ZXDC: variants seen among roughly 807,000 people sequenced by gnomAD.
ZXDC encodes the protein ZXD family zinc finger C, also known as zinc finger protein ZXDC.
In ZXDC, 58 loss-of-function variants were observed where a neutral mutation model predicts 63.6. The ratio of observed to expected loss-of-function variants is 0.91; its 90% confidence interval spans 0.74 to 1.13. ZXDC has a LOEUF of 1.13. ZXDC is among the 50% of genes most tolerant of loss of function. The pLI is 0.00. For missense variants in ZXDC, 1,133 were observed against 1,148.9 expected (o/e 0.99, Z 0.20); for synonymous variants, 561 against 496.1 (o/e 1.13, Z -1.74).
intron 7 of ZXDC, among the ~76,000 whole-genome samples, chr3:126,448,294 C>CA (rs1248706716): frequency 1.3e-5 from 2 of 152,208 alleles, no homozygotes; most frequent in African/African-American, 4.8e-5. Flanking sequence ...GTATCTTCAC[C>CA]ACATGGCAGG....
At chr3:126,461,260 A>G (rs1310514199) in intron 6 of ZXDC, 23 of 1,216,648 alleles carry the variant, frequency 1.9e-5, no homozygotes, top group African/African-American at 3.1e-5. Flanking sequence ...CAAGGAAAGG[A>G]GCACATTACC....
At chr3:126,441,048 C>T in intron 8 of ZXDC, 5 of 985,564 alleles carry the variant, frequency 5.1e-6, no homozygotes, top group Non-Finnish European at 6.0e-6. Context: ...ACCCAGACAG[C>T]CCCGGCTTGT....
chr3:126,451,276 T>C, intron 7 of ZXDC: 3 of 985,356 alleles, frequency 3.0e-6, no homozygotes, highest in African/African-American at 1.7e-5. Flanking sequence ...TCCAGGTAAA[T>C]GTACACAAAA....
In ZXDC at chr3:126,472,251, T is replaced by C; in HGVS notation, c.962A>G (p.His321Arg). 4 of 1,612,936 alleles carry C rather than the reference T, an allele frequency of 2.5e-6. No homozygotes were observed. The highest frequency in any genetic ancestry group is 3.4e-6 in the Non-Finnish European group (4 of 1,178,912). ...GGAAAAGAGCTCTTGTTCCCTGAAG[T>C]GGGCTCGGTTATGGGAAAACAGGGC... The part of the protein sequence containing the change: ...VSALFSHNRA[H>R]FREQELFSCS... Residue 321 changes from histidine (H) to arginine (R), a missense_variant, in exon 2 of 10, where the codon CAC (histidine) becomes CGC (arginine). Physicochemically the swap from His to Arg is conservative, Grantham distance 29. Coordinates refer to ENST00000389709, the MANE Select transcript of ZXDC (RefSeq NM_025112.5).
At chr3:126,448,515 C>T (rs2107633981) in intron 7 of ZXDC, among the ~76,000 whole-genome samples, 1 of 152,304 alleles carries the variant, frequency 6.6e-6, no homozygotes, top group South Asian at 2.1e-4. Flanking sequence ...GAGCTAATCA[C>T]AGAGGGGACC....
At position 126,459,706 on chromosome 3, in the gene ZXDC, C is replaced by T. The variant is rs762497726; in HGVS notation, c.2159G>A (p.Arg720Gln). 5.0e-6 allele frequency: 8 copies of T among 1,613,996 alleles called. No individual in the cohort carries two copies. The highest frequency in any genetic ancestry group is 1.7e-5 in the Admixed American group (1 of 59,996). The change falls in exon 7 of 10, where the codon CGA (arginine) becomes CAA (glutamine). Residue 720 changes from arginine to glutamine, a missense_variant. By Grantham distance (43) the Arg-to-Gln change is conservative. Transcript: ENST00000389709. Reference protein sequence around the residue: ...ESGGSARTDYRAIQLAKEKKQ... With the variant: ...ESGGSARTDYQAIQLAKEKKQ... Reference sequence around the variant, plus strand: ...TTTTTCCTTGGCTAGTTGAATGGCTCGGTAATCAGTTCTTGCTGAGCCCCC... The same window carrying T: ...TTTTTCCTTGGCTAGTTGAATGGCTTGGTAATCAGTTCTTGCTGAGCCCCC...
At chr3:126,459,161 G>C (rs1184042489) in intron 7 of ZXDC, 2 of 985,300 alleles carry the variant, frequency 2.0e-6, no homozygotes, top group African/African-American at 1.7e-5. Context: ...GCTCTTGTTT[G>C]GTCTTTAAAA....
Position 126,458,900 on chromosome 3 carries a change from A to G in ZXDC, c.2212+753T>C, listed in dbSNP as rs539758761. ...TGAAACACTGGCTTTAAGAAAACTG[A>G]TTAACAGAAAACCGGCAATTGTTAT... On this transcript the variant is annotated intron_variant, in intron 7 of 9. Transcript: ENST00000389709. The G allele has an allele frequency of 1.1e-4, 112 of 985,426 alleles. No individual in the cohort carries two copies. The South Asian group carries it at 4.4e-3, about 39-fold the overall frequency. 61.0% of individuals were successfully genotyped at this position (985,426 alleles called of 1,614,324 possible).
At chr3:126,452,882 G>A (rs892668395) in intron 7 of ZXDC, 2 of 342,194 alleles carry the variant, frequency 5.8e-6, no homozygotes, top group African/African-American at 4.5e-5. Flanking sequence ...GGGACCACAG[G>A]TGTGCACCAC....
chr3:126,444,147 T>A (rs1933783583), intron 7 of ZXDC, among the ~76,000 whole-genome samples: 1 of 152,238 alleles, frequency 6.6e-6, no homozygotes, highest in Non-Finnish European at 1.5e-5. Context: ...GGGCCGGTGC[T>A]GCAGCCAGAA....
chr3:126,451,042 A>C (rs1318228685), intron 7 of ZXDC: 3 of 726,966 alleles, frequency 4.1e-6, no homozygotes, highest in African/African-American at 1.9e-5. Flanking sequence ...AAAGGGACTC[A>C]AGGCCACTCC....
intron 7 of ZXDC, chr3:126,451,830 C>T: frequency 1.0e-6 from 1 of 985,372 alleles, no homozygotes; most frequent in Non-Finnish European, 1.2e-6. Flanking sequence ...ATGATTTAAC[C>T]TTGGGGCCTC....
In ZXDC at chr3:126,475,044, G is replaced by T. The variant is rs373990345; in HGVS notation, c.822C>A (p.Ala274=). The T allele has an allele frequency of 4.4e-6, 7 of 1,601,216 alleles. No individual in the cohort carries two copies. Among genetic ancestry groups the T allele is most frequent in the South Asian group, 3.4e-5 (3 of 89,074 alleles). Residue 274 remains alanine, a synonymous_variant, in exon 1 of 10, where the codon GCC becomes GCA. Transcript: ENST00000389709. ...GCTTGGCGTGCGTGGGGAAGCGCTC[G>T]GCGCACACCTCGCACTTGAACAGGC... ...QESLFKCEVC[A]ERFPTHAKLS...
intron 7 of ZXDC, among the ~76,000 whole-genome samples, chr3:126,444,172 T>C (rs1933784540): frequency 6.6e-6 from 1 of 152,226 alleles, no homozygotes; most frequent in Non-Finnish European, 1.5e-5. Flanking sequence ...CGCATTACGC[T>C]TGCTTTCTAA....
intron 4 of ZXDC, among the ~76,000 whole-genome samples, chr3:126,470,545 T>C (rs1240240097): frequency 1.3e-5 from 2 of 152,208 alleles, no homozygotes; most frequent in African/African-American, 4.8e-5. Context: ...AATTCAAACG[T>C]GATCTCAAAA....
At chr3:126,470,408 A>C (rs183555699) in intron 4 of ZXDC, among the ~76,000 whole-genome samples, 8 of 152,360 alleles carry the variant, frequency 5.3e-5, no homozygotes, top group Admixed American at 1.3e-4. Flanking sequence ...CAGAGGTTGC[A>C]ATGAGCCAAG....
intron 7 of ZXDC, among the ~76,000 whole-genome samples, chr3:126,446,887 G>T (rs561570660): frequency 4.6e-5 from 7 of 152,334 alleles, no homozygotes; most frequent in Admixed American, 6.5e-5. Flanking sequence ...GTTTAACACT[G>T]AAACACTGTA....
Position 126,461,591 on chromosome 3 carries a change from C to A in ZXDC, c.2071G>T (p.Glu691Ter). The change falls in exon 6 of 10, where the codon GAG becomes TAG. Residue 691 changes from glutamate (E) to a stop codon, truncating the protein, a stop_gained. Coordinates refer to ENST00000389709, the MANE Select transcript of ZXDC (RefSeq NM_025112.5). LOFTEE classifies it high-confidence loss of function. ...LPQSTLPSPAEQHGAQDTELS... is the reference protein window; with the variant it reads ...LPQSTLPSPA ...TCTGTGTCCTGGGCACCGTGCTGCT[C>A]TGCTGGACTGGGCAACGTGGACTGG... 6.2e-7 allele frequency: 1 copy of A among 1,614,184 alleles called. No homozygotes were observed. Among genetic ancestry groups the A allele is most frequent in the African/African-American group, 1.3e-5 (1 of 75,052 alleles).
At chr3:126,460,554 T>C (rs1934485937) in intron 6 of ZXDC, 1 of 985,274 alleles carries the variant, frequency 1.0e-6, no homozygotes, top group Non-Finnish European at 1.2e-6. Flanking sequence ...AGGCACACAG[T>C]CCTGGCACCA....
Sources: gnomAD v4.1 joint callset for allele counts (sites outside exome capture counted in the v4.1 genomes callset) on GRCh38, gnomAD v4.1.1 for gene constraint, MANE v1.5 for transcripts, NCBI Gene and HGNC (gene_info 2026-07-23, HGNC 2026-07-21) for gene names.